The following DAB1 variants were observed in gnomAD, a reference collection of about 807,000 sequenced individuals.
DAB1 encodes the protein disabled homolog 1.
DAB1 carries 15 observed loss-of-function variants against 64.6 expected under a neutral mutation model. The observed-to-expected ratio is 0.23, with a 90% CI of 0.16 to 0.36. The LOEUF (loss-of-function observed/expected upper bound fraction) is 0.36. DAB1 is among the 10% of genes least tolerant of loss of function. The pLI is 1.00. For synonymous variants in DAB1, 235 were observed against 251.9 expected (o/e 0.93, Z 0.64); for missense variants, 596 against 706.7 (o/e 0.84, Z 1.78).
intron 2 of DAB1, among the ~76,000 whole-genome samples, chr1:57,269,963 T>G (rs1670868654): frequency 6.6e-6 from 1 of 152,188 alleles, no homozygotes. Flanking sequence ...GTCGATCTAC[T>G]GAAAAGAACA....
rs528617467 is a variant in DAB1, at chr1:58,182,736, T to G, written n.310-32148A>C. Among the ~76,000 whole-genome samples the G allele has an allele frequency of 3.9e-5, 6 of 152,176 alleles. No homozygotes were observed. The East Asian group carries it at 7.7e-4, about 20-fold the overall frequency. Reference sequence around the variant, plus strand: ...TTTTAAACATGGTTTGCTTTCACCTTTGAACAGATTTATAATAGCTGCTTT... The same window carrying G: ...TTTTAAACATGGTTTGCTTTCACCTGTGAACAGATTTATAATAGCTGCTTT... On this transcript the variant is annotated intron_variant and non_coding_transcript_variant, in intron 4 of 20. Transcript: ENST00000485760.
chr1:57,738,403 G>A (rs540723108), intron 6 of DAB1, among the ~76,000 whole-genome samples: 17 of 152,278 alleles, frequency 1.1e-4, no homozygotes, highest in African/African-American at 4.1e-4. Flanking sequence ...ACAGCACTTT[G>A]TAACATATAA....
rs566328618 is a variant in DAB1 at position 58,100,218 on chromosome 1, C to A, written n.387+50293G>T. Among the ~76,000 whole-genome samples, 13 of 152,328 alleles carry A rather than the reference C, an allele frequency of 8.5e-5. 1 individual carries two copies. The Middle Eastern group carries it at 0.01, about 120-fold the overall frequency. On this transcript the variant is annotated intron_variant and non_coding_transcript_variant, in intron 5 of 20. Coordinates refer to the DAB1 transcript ENST00000485760. ...ACTTTTCCATCATCCCAAACAGGAACTCTGTACTTATTAGAAAATAACTTC... is the reference window on the plus strand; with the variant it reads ...ACTTTTCCATCATCCCAAACAGGAAATCTGTACTTATTAGAAAATAACTTC...
chr1:57,010,330 G>A (rs969593737), intron 14 of DAB1, among the ~76,000 whole-genome samples: 3 of 151,962 alleles, frequency 2.0e-5, no homozygotes, highest in Admixed American at 1.3e-4. Flanking sequence ...CACCAACCAC[G>A]CAGAACATAT....
At chr1:58,458,473 C>T (rs1010837379) in intron 3 of DAB1, among the ~76,000 whole-genome samples, 1 of 152,154 alleles carries the variant, frequency 6.6e-6, no homozygotes, top group Non-Finnish European at 1.5e-5. Flanking sequence ...TAAAAGGTAC[C>T]AGTATCAAAG....
chr1:57,837,827 C>T (rs1467869889), intron 1 of DAB1, among the ~76,000 whole-genome samples: 3 of 147,798 alleles, frequency 2.0e-5, no homozygotes, highest in Non-Finnish European at 4.5e-5. Context: ...CCACTACCTC[C>T]GCCCCCACCA....
rs191886085 is a variant in DAB1, at chr1:58,415,436, C to T, written n.258-72033G>A. The T allele has an allele frequency of 1.5e-3, 363 of 244,162 alleles. 2 individuals are homozygous for T. Among genetic ancestry groups the T allele is most frequent in the African/African-American group, 8.0e-3 (350 of 43,720 alleles). The allele number at this position is 244,162 out of a possible 1,614,324, so 15.1% of individuals were successfully genotyped here. On this transcript the variant is annotated intron_variant and non_coding_transcript_variant, in intron 3 of 20. Transcript: ENST00000485760. ...TCCATTTCCACTTAGGTGTAGGTTC[C>T]ACTGGGCTCTTTCAAAGTCCCTGGC...
At chr1:58,049,918 C>A (rs1243896043) in intron 5 of DAB1, among the ~76,000 whole-genome samples, 1 of 148,602 alleles carries the variant, frequency 6.7e-6, no homozygotes, top group Admixed American at 6.7e-5. Flanking sequence ...TTTGAAAAAA[C>A]CATTAGTGTT....
chr1:57,118,109 G>A (rs1487215506), intron 4 of DAB1, among the ~76,000 whole-genome samples: 1 of 152,180 alleles, frequency 6.6e-6, no homozygotes, highest in East Asian at 1.9e-4. Context: ...TAGAGGTGGT[G>A]TATCTCTTGG....
chr1:58,173,972 C>A (rs1410166202), intron 4 of DAB1, among the ~76,000 whole-genome samples: 3 of 152,182 alleles, frequency 2.0e-5, no homozygotes, highest in Admixed American at 6.5e-5. Flanking sequence ...CATTATCCTA[C>A]TACCACACAC....
At chr1:58,191,315 G>A (rs1490922688) in intron 4 of DAB1, among the ~76,000 whole-genome samples, 2 of 152,168 alleles carry the variant, frequency 1.3e-5, no homozygotes, top group Admixed American at 1.3e-4. Context: ...AGGAAATGGA[G>A]GTTTAGAAAA....
chr1:57,765,172 A>G (rs998631395), intron 6 of DAB1, among the ~76,000 whole-genome samples: 10 of 152,208 alleles, frequency 6.6e-5, no homozygotes, highest in Non-Finnish European at 1.0e-4. Flanking sequence ...TTTTGATCAG[A>G]GAGAGAAATT....
intron 1 of DAB1, among the ~76,000 whole-genome samples, chr1:58,535,072 T>C (rs904403715): frequency 6.6e-6 from 1 of 152,160 alleles, no homozygotes; most frequent in African/African-American, 2.4e-5. Flanking sequence ...ACTACCAAAA[T>C]AGACATTTCA....
intron 6 of DAB1, among the ~76,000 whole-genome samples, chr1:57,706,086 AC>A: frequency 6.6e-6 from 1 of 152,226 alleles, no homozygotes; most frequent in South Asian, 2.1e-4. Context: ...CAAAAAGGTT[AC>A]AAAAATAGTA....
chr1:58,363,709 G>C (rs1187764388), intron 3 of DAB1, among the ~76,000 whole-genome samples: 1 of 152,210 alleles, frequency 6.6e-6, no homozygotes, highest in Non-Finnish European at 1.5e-5. Context: ...TCATCTTCCA[G>C]GGGAAAGGCT....
At chr1:57,385,500 T>G (rs1192774205) in intron 1 of DAB1, among the ~76,000 whole-genome samples, 3 of 152,170 alleles carry the variant, frequency 2.0e-5, no homozygotes, top group African/African-American at 7.2e-5. Flanking sequence ...AACTACCATA[T>G]GCTAGCCTTG....
chr1:58,043,564 C>T (rs1647173422), intron 5 of DAB1, among the ~76,000 whole-genome samples: 1 of 152,212 alleles, frequency 6.6e-6, no homozygotes, highest in Non-Finnish European at 1.5e-5. Flanking sequence ...GTCACTCCTA[C>T]TCTAAAGCCT....
intron 3 of DAB1, among the ~76,000 whole-genome samples, chr1:58,423,751 C>T (rs1488242544): frequency 6.6e-6 from 1 of 152,230 alleles, no homozygotes; most frequent in East Asian, 1.9e-4. Context: ...TCCAGTAACA[C>T]CACCATCTTC....
At chr1:57,133,291 G>A (rs1431832465) in intron 4 of DAB1, among the ~76,000 whole-genome samples, 2 of 152,130 alleles carry the variant, frequency 1.3e-5, no homozygotes, top group African/African-American at 4.8e-5. Context: ...ATATAAAGTT[G>A]TAATAATTCT....
Sources: allele counts gnomAD v4.1 joint callset (sites outside exome capture counted in the v4.1 genomes callset), GRCh38; gene constraint gnomAD v4.1.1; transcripts MANE v1.5; gene names NCBI Gene and HGNC (gene_info 2026-07-23, HGNC 2026-07-21).